Variants in AIG1 observed in about 807,000 individuals in gnomAD.
The protein encoded by AIG1 is androgen-induced gene 1 protein.
A neutral mutation model predicts 31.4 loss-of-function variants in AIG1; 23 were observed. That is an observed-to-expected ratio of 0.73 (90% CI 0.53 to 1.04). The LOEUF (loss-of-function observed/expected upper bound fraction) is 1.04, where lower values mean the gene tolerates loss of function less well. Ranked by LOEUF, AIG1 falls within the 50% of genes least tolerant of loss-of-function variation. The pLI, the probability that AIG1 is intolerant of heterozygous loss-of-function variation, is 0.00. For missense variants in AIG1, 274 were observed against 295.0 expected (o/e 0.93, Z 0.52); for synonymous variants, 100 against 110.5 (o/e 0.90, Z 0.60).
At chr6:143,085,862 G>T (rs1045274610) in intron 1 of AIG1, among the ~76,000 whole-genome samples, 1 of 152,234 alleles carries the variant, frequency 6.6e-6, no homozygotes. Flanking sequence ...CCTAGGTCTG[G>T]TCGGACCTTT....
intron 3 of AIG1, among the ~76,000 whole-genome samples, chr6:143,207,022 G>A (rs573133839): frequency 1.3e-3 from 197 of 152,212 alleles, no homozygotes; most frequent in Middle Eastern, 3.4e-3. Context: ...GATGTCATAA[G>A]TAATATAAAT....
chr6:143,127,399 A>G (rs1253962655), intron 1 of AIG1, among the ~76,000 whole-genome samples: 1 of 152,166 alleles, frequency 6.6e-6, no homozygotes, highest in Non-Finnish European at 1.5e-5. Context: ...AACATGAACC[A>G]TCTTCAAGAC....
intron 1 of AIG1, among the ~76,000 whole-genome samples, chr6:143,107,915 G>A (rs1439753803): frequency 6.6e-6 from 1 of 152,106 alleles, no homozygotes; most frequent in African/African-American, 2.4e-5. Flanking sequence ...TTAAATTCCT[G>A]ATCTAGTTAA....
At chr6:143,130,078 G>A (rs1430074783) in intron 1 of AIG1, among the ~76,000 whole-genome samples, 1 of 151,578 alleles carries the variant, frequency 6.6e-6, no homozygotes, top group Non-Finnish European at 1.5e-5. Context: ...CCACAGGTGT[G>A]CACCACCATG....
rs759310250 is a variant in AIG1, at chr6:143,136,965, CTG to C, written c.276_277del (p.Leu93GlyfsTer19). 6.8e-7 allele frequency: 1 copy of C among 1,464,134 alleles called. No homozygotes were observed. The allele number at this position is 1,464,134 out of a possible 1,614,324, so 90.7% of individuals were successfully genotyped here. A position where few individuals can be genotyped will look rare whatever the true frequency, so the allele number is the denominator to read the frequency against. On this transcript the variant is annotated frameshift_variant, in exon 2 of 6. Transcript: ENST00000357847. LOFTEE classifies it high-confidence loss of function. ...ATCTCTCTCCGGGACTGGATGTTAG[CTG>C]TGTTGGCCTTTCCTGTTGGGGTTGT...
chr6:143,179,363 T>C (rs1463244743), intron 3 of AIG1, among the ~76,000 whole-genome samples: 2 of 152,228 alleles, frequency 1.3e-5, no homozygotes, highest in Non-Finnish European at 2.9e-5. Flanking sequence ...CAGAATCACA[T>C]TCATTATTTG....
At chr6:143,060,861 C>G, upstream of AIG1, 2 of 1,159,524 alleles carry the variant, frequency 1.7e-6, no homozygotes, top group Non-Finnish European at 2.1e-6. Flanking sequence ...CCCGCCCCCG[C>G]GCGCCCGGCG....
intron 4 of AIG1, among the ~76,000 whole-genome samples, chr6:143,302,293 T>C (rs991689604): frequency 6.6e-6 from 1 of 152,028 alleles, no homozygotes; most frequent in African/African-American, 2.4e-5. Flanking sequence ...TACCTATGTA[T>C]ACATGTGCCA....
At chr6:143,227,416 C>T (rs1299164717) in intron 3 of AIG1, among the ~76,000 whole-genome samples, 1 of 152,106 alleles carries the variant, frequency 6.6e-6, no homozygotes, top group African/African-American at 2.4e-5. Context: ...GCCCTATTGG[C>T]ATCAGAGGAA....
At position 143,325,408 on chromosome 6, in the gene AIG1, G is replaced by A. The variant is rs1033698749; in HGVS notation, c.516-7874G>A. Among the ~76,000 whole-genome samples, 3 of 152,150 alleles carry A rather than the reference G, an allele frequency of 2.0e-5. No individual in the cohort carries two copies. The highest frequency in any genetic ancestry group is 7.2e-5 in the African/African-American group (3 of 41,424). On this transcript the variant is annotated intron_variant, in intron 4 of 5. Transcript: ENST00000357847. The surrounding 1 kb of genome is among the most constrained non-coding windows in gnomAD (Gnocchi z 4.3). ...ACTTGATACCTGTATTGCCAAATCA[G>A]TCCTTTCTTCAAAGTCCAAATCCAT...
chr6:143,305,533 T>C (rs960611847), intron 4 of AIG1, among the ~76,000 whole-genome samples: 17 of 152,310 alleles, frequency 1.1e-4, no homozygotes, highest in Non-Finnish European at 1.5e-4. Context: ...AGTTGAGTGA[T>C]TTTGAGTGAG....
chr6:143,111,553 T>C (rs1781278314), intron 1 of AIG1, among the ~76,000 whole-genome samples: 1 of 152,216 alleles, frequency 6.6e-6, no homozygotes, highest in Non-Finnish European at 1.5e-5. Context: ...GTGGAACTCG[T>C]TCACTCTGTG....
intron 4 of AIG1, among the ~76,000 whole-genome samples, chr6:143,294,054 C>T (rs549189943): frequency 6.6e-6 from 1 of 152,300 alleles, no homozygotes; most frequent in Admixed American, 6.5e-5. Flanking sequence ...CACCCATCCT[C>T]TCTTCACCTC....
intron 4 of AIG1, among the ~76,000 whole-genome samples, chr6:143,295,721 T>C (rs1193700308): frequency 1.3e-5 from 2 of 152,206 alleles, no homozygotes; most frequent in Non-Finnish European, 2.9e-5. Context: ...TTCTCTGTGC[T>C]ACACTACTAT....
chr6:143,175,131 C>A (rs1338610512), intron 3 of AIG1, among the ~76,000 whole-genome samples: 1 of 152,128 alleles, frequency 6.6e-6, no homozygotes, highest in African/African-American at 2.4e-5. Flanking sequence ...AAGATAGGAC[C>A]CCACTACCTT....
intron 3 of AIG1, among the ~76,000 whole-genome samples, chr6:143,269,727 A>G (rs1328892200): frequency 6.6e-6 from 1 of 152,274 alleles, no homozygotes; most frequent in East Asian, 1.9e-4. Flanking sequence ...ACAAAAGAAG[A>G]CATAACATAT....
At chr6:143,090,303 A>G (rs13220533) in intron 1 of AIG1, among the ~76,000 whole-genome samples, 2 of 152,140 alleles carry the variant, frequency 1.3e-5, no homozygotes, top group African/African-American at 2.4e-5. Flanking sequence ...CTTTCTATCT[A>G]TCTATCCATC....
intron 3 of AIG1, among the ~76,000 whole-genome samples, chr6:143,242,862 G>A (rs1283171796): frequency 6.6e-6 from 1 of 152,210 alleles, no homozygotes; most frequent in African/African-American, 2.4e-5. Context: ...CATCATGGCT[G>A]CGGATATGCC....
At chr6:143,103,501 C>CTTTTTT (rs1173435325) in intron 1 of AIG1, among the ~76,000 whole-genome samples, 29 of 84,212 alleles carry the variant, frequency 3.4e-4, no homozygotes, top group South Asian at 9.6e-4. Context: ...CAGAAGTTTT[C>CTTTTTT]TTTTTTTTTT....
Sources: allele counts gnomAD v4.1 joint callset (sites outside exome capture counted in the v4.1 genomes callset), GRCh38; gene constraint gnomAD v4.1.1; non-coding constraint Gnocchi (gnomAD v3.1); transcripts MANE v1.5; gene names NCBI Gene and HGNC (gene_info 2026-07-23, HGNC 2026-07-21).